Variants in MRGPRX2 observed in about 807,000 individuals in gnomAD.
MRGPRX2 encodes mas-related G protein-coupled receptor member X2.
For synonymous variants in MRGPRX2, 183 were observed against 175.6 expected (o/e 1.04, Z -0.33); for missense variants, 389 against 404.5 (o/e 0.96, Z 0.33).
intron 1 of MRGPRX2, among the ~76,000 whole-genome samples, chr11:19,057,662 A>C (rs1542914): frequency 6.6e-6 from 1 of 152,216 alleles, no homozygotes; most frequent in African/African-American, 2.4e-5. Context: ...CAGGGCTTTG[A>C]GGGGAAAAGG....
In MRGPRX2 at chr11:19,059,010, G is replaced by C. The variant is rs1849644011; in HGVS notation, c.-26+1609C>G. Among the ~76,000 whole-genome samples, 3 of 152,162 alleles carry C rather than the reference G, an allele frequency of 2.0e-5. No individual in the cohort carries two copies. In the South Asian group the frequency reaches 6.2e-4, roughly 31 times the overall value. On this transcript the variant is annotated intron_variant, in intron 1 of 1. Coordinates refer to ENST00000329773, the MANE Select transcript of MRGPRX2 (RefSeq NM_054030.4). ...CATGTCTACATCATTCACTATTTGTGAGGCAGTGTTGAGAAAAATCTCCAG... is the reference window on the plus strand; with the variant it reads ...CATGTCTACATCATTCACTATTTGTCAGGCAGTGTTGAGAAAAATCTCCAG...
chr11:19,056,915 C>T (rs749639493), intron 1 of MRGPRX2, among the ~76,000 whole-genome samples: 50 of 152,268 alleles, frequency 3.3e-4, no homozygotes, highest in Non-Finnish European at 5.1e-4. Flanking sequence ...AGGGTCATAA[C>T]GGAGAGGTGA....
rs572320540 is a variant in MRGPRX2, at chr11:19,056,183, C to A, written c.220G>T (p.Ala74Ser). The A allele has an allele frequency of 8.4e-5, 135 of 1,614,140 alleles. No homozygotes were observed. In the South Asian group the frequency reaches 1.4e-3, roughly 17 times the overall value. The part of the protein sequence containing the change: ...FSVYVLSLAG[A>S]DFLFLCFQII... ...TGGAAGCAGAGGAAGAGGAAGTCGG[C>A]CCCGGCCAGGCTGAGGACGTAGACA... Residue 74 changes from alanine (A) to serine (S), a missense_variant, in exon 2 of 2, where the codon GCC becomes TCC. Ala to Ser is a moderately conservative substitution (Grantham distance 99). Coordinates refer to ENST00000329773, the MANE Select transcript of MRGPRX2 (RefSeq NM_054030.4).
In MRGPRX2 at chr11:19,054,584, C is replaced by T. The variant is rs1209799563; in HGVS notation, c.*826G>A. ...TGACATACAGCCTGTCCTCCAAGAA[C>T]ATGGAGTCTATAAGACCACTGGAAA... On this transcript the variant is annotated 3_prime_UTR_variant, in exon 2 of 2. Transcript: ENST00000329773. 6.6e-6 allele frequency: 1 copy of T among 152,120 alleles called. No individual in the cohort carries two copies. The highest frequency in any genetic ancestry group is 1.9e-4 in the East Asian group (1 of 5,202). 9.4% of individuals were successfully genotyped at this position (152,120 alleles called of 1,614,324 possible).
In MRGPRX2 at chr11:19,055,139, C is replaced by A. The variant is rs770210473; in HGVS notation, c.*271G>T. 3 of 342,950 alleles carry A rather than the reference C, an allele frequency of 8.7e-6. No homozygotes were observed. Among genetic ancestry groups the A allele is most frequent in the Non-Finnish European group, 1.6e-5 (3 of 187,860 alleles). 21.2% of individuals were successfully genotyped at this position (342,950 alleles called of 1,614,324 possible). Reference sequence around the variant, plus strand: ...TTTCTGCCCTGCTTTCAGCCTTCTGCGAAAGGTAGGATTCATTAAAAGTGG... The same window carrying A: ...TTTCTGCCCTGCTTTCAGCCTTCTGAGAAAGGTAGGATTCATTAAAAGTGG... On this transcript the variant is annotated 3_prime_UTR_variant, in exon 2 of 2. Coordinates refer to ENST00000329773, the MANE Select transcript of MRGPRX2 (RefSeq NM_054030.4).
At position 19,056,297 on chromosome 11, in the gene MRGPRX2, G is replaced by C; in HGVS notation, c.106C>G (p.Leu36Val). 6.2e-7 allele frequency: 1 copy of C among 1,614,228 alleles called. No homozygotes were observed. The highest frequency in any genetic ancestry group is 8.5e-7 in the Non-Finnish European group (1 of 1,180,030). Residue 36 changes from leucine to valine, a missense_variant, in exon 2 of 2, where the codon CTG becomes GTG. By Grantham distance (32) the Leu-to-Val change is conservative. Transcript: ENST00000329773. ...CCGACCAGGGCAATGAAAAGGATCA[G>C]GAAGACCGGGATCAGGGTCTCCTTG... ...CGKETLIPVF[L>V]ILFIALVGLV...
Position 19,056,088 on chromosome 11 carries a change from G to T in MRGPRX2, c.315C>A (p.Phe105Leu), listed in dbSNP as rs1849615056. Residue 105 changes from phenylalanine (F) to leucine (L), a missense_variant, in exon 2 of 2, where the codon TTC becomes TTA. By Grantham distance (22) the Phe-to-Leu change is conservative. Coordinates refer to ENST00000329773, the MANE Select transcript of MRGPRX2 (RefSeq NM_054030.4). ...CSISINFPSF[F>L]TTVMTCAYLA... Reference sequence around the variant, plus strand: ...GGTAGGCACAGGTCATCACAGTGGTGAAGAAGCTAGGGAAATTGATGGAGA... The same window carrying T: ...GGTAGGCACAGGTCATCACAGTGGTTAAGAAGCTAGGGAAATTGATGGAGA... The T allele has an allele frequency of 6.2e-7, 1 of 1,614,136 alleles. No homozygotes were observed. The highest frequency in any genetic ancestry group is 1.1e-5 in the South Asian group (1 of 91,092).
rs34874538 is a variant in MRGPRX2, at chr11:19,055,907, TC to T, written c.495del (p.Lys166SerfsTer26). 17 of 1,613,822 alleles carry T rather than the reference TC, an allele frequency of 1.1e-5. No individual in the cohort carries two copies. Among genetic ancestry groups the T allele is most frequent in the Non-Finnish European group, 1.4e-5 (17 of 1,179,976 alleles). Reference sequence around the variant, plus strand: ...TCACTAAATAAGAAGCCACAGAACTTCCCTTCCAAGATGCTCAGCAGTAGGG... The same window carrying T: ...TCACTAAATAAGAAGCCACAGAACTTCCTTCCAAGATGCTCAGCAGTAGGG... Reference protein sequence around the residue: ...ALSLLLSILEGKFCGFLFSDG... With the variant: ...ALSLLLSILEXKFCGFLFSDG... On this transcript the variant is annotated frameshift_variant, in exon 2 of 2. Coordinates refer to ENST00000329773, the MANE Select transcript of MRGPRX2 (RefSeq NM_054030.4). LOFTEE classifies it low-confidence loss of function (END_TRUNC).
intron 1 of MRGPRX2, 133 bp from the exon 2 acceptor site, chr11:19,056,560 T>A: frequency 1.1e-6 from 1 of 895,540 alleles, no homozygotes; most frequent in South Asian, 1.7e-5. Context: ...AGTCATTTAT[T>A]AAGGGCCAGG....
chr11:19,060,409 G>A (rs772943799), intron 1 of MRGPRX2, among the ~76,000 whole-genome samples: 2 of 152,174 alleles, frequency 1.3e-5, no homozygotes, highest in African/African-American at 4.8e-5. Flanking sequence ...TTGAATGGTC[G>A]AAGAGAAGGG....
At chr11:19,056,881 C>T (rs1234166605) in intron 1 of MRGPRX2, among the ~76,000 whole-genome samples, 1 of 152,152 alleles carries the variant, frequency 6.6e-6, no homozygotes, top group African/African-American at 2.4e-5. Context: ...AGTCCATCAA[C>T]AGTCAGAATG....
chr11:19,055,750 A>G lies in MRGPRX2; in HGVS notation c.653T>C (p.Leu218Pro). The G allele has an allele frequency of 6.2e-7, 1 of 1,614,262 alleles. No individual in the cohort carries two copies. Among genetic ancestry groups the G allele is most frequent in the Non-Finnish European group, 8.5e-7 (1 of 1,180,042 alleles). ...CAGGATGGTCAGGTACAGCCTGGTC[A>G]GTGGCAGACCCCTGGAGCCACAGAG... ...RILCGSRGLPLTRLYLTILLT... is the reference protein window; with the variant it reads ...RILCGSRGLPPTRLYLTILLT... Residue 218 changes from leucine (L) to proline (P), a missense_variant, in exon 2 of 2, where the codon CTG becomes CCG. Transcript: ENST00000329773.
chr11:19,058,705 C>T (rs922310641), intron 1 of MRGPRX2, among the ~76,000 whole-genome samples: 4 of 152,082 alleles, frequency 2.6e-5, no homozygotes, highest in East Asian at 1.9e-4. Context: ...GGATTACAGG[C>T]GTGAGCCACC....
rs114017828 is a variant in MRGPRX2 at position 19,055,433 on chromosome 11, T to C, written c.970A>G (p.Met324Val). 2.6e-4 allele frequency: 413 copies of C among 1,608,716 alleles called. 2 individuals are homozygous for C. The African/African-American group carries it at 4.9e-3, about 19-fold the overall frequency. The change falls in exon 2 of 2, where the codon ATG becomes GTG. Residue 324 changes from methionine to valine, a missense_variant. Physicochemically the swap from Met to Val is conservative, Grantham distance 21. Coordinates refer to ENST00000329773, the MANE Select transcript of MRGPRX2 (RefSeq NM_054030.4). The stretch of plus-strand genomic sequence containing the variant: ...CTCTACACCAGACTGCTTCTCGACA[T>C]CTCCGGGGTGCCCTGACGGAAGCAT... ...EGCFRQGTPE[M>V]SRSSLV
intron 1 of MRGPRX2, among the ~76,000 whole-genome samples, chr11:19,059,570 C>G (rs12287661): frequency 2.0e-5 from 3 of 151,732 alleles, no homozygotes; most frequent in African/African-American, 7.3e-5. Flanking sequence ...TAGTGAGAGA[C>G]TAGTCCAAAG....
intron 1 of MRGPRX2, among the ~76,000 whole-genome samples, chr11:19,058,224 G>A (rs1484566028): frequency 6.6e-6 from 1 of 152,136 alleles, no homozygotes. Context: ...TGGGTTGGAG[G>A]CCTCCAAGGG....
rs1290352107 is a variant in MRGPRX2 at position 19,055,554 on chromosome 11, G to A, written c.849C>T (p.Gly283=). 2.5e-6 allele frequency: 4 copies of A among 1,614,188 alleles called. No homozygotes were observed. Among genetic ancestry groups the A allele is most frequent in the Non-Finnish European group, 2.5e-6 (3 of 1,180,030 alleles). The change falls in exon 2 of 2, where the codon GGC becomes GGT. Residue 283 remains glycine, a synonymous_variant. Transcript: ENST00000329773. ...SANPIIYFFV[G]SFRKQWRLQQ... Reference sequence around the variant, plus strand: ...GCAGCCGCCACTGCTTCCTAAAAGAGCCCACGAAGAAGTAAATGATGGGGT... The same window carrying A: ...GCAGCCGCCACTGCTTCCTAAAAGAACCCACGAAGAAGTAAATGATGGGGT...
In MRGPRX2 at chr11:19,056,065, T is replaced by C; in HGVS notation, c.338A>G (p.Tyr113Cys). ...SFFTTVMTCA[Y>C]LAGLSMLSTV... The stretch of plus-strand genomic sequence containing the variant: ...GCTCAGCATGCTCAGGCCTGCAAGG[T>C]AGGCACAGGTCATCACAGTGGTGAA... Residue 113 changes from tyrosine to cysteine, a missense_variant, in exon 2 of 2, where the codon TAC becomes TGC. Transcript: ENST00000329773. The C allele has an allele frequency of 6.2e-7, 1 of 1,614,008 alleles. No individual in the cohort carries two copies. The highest frequency in any genetic ancestry group is 8.5e-7 in the Non-Finnish European group (1 of 1,179,998).
Position 19,055,539 on chromosome 11 carries a change from C to T in MRGPRX2, c.864G>A (p.Gln288=), listed in dbSNP as rs1296624495. The change falls in exon 2 of 2, where the codon CAG becomes CAA. Residue 288 remains glutamine (Q), a synonymous_variant. Transcript: ENST00000329773. ...TGAGGATCGGCTGCTGCAGCCGCCA[C>T]TGCTTCCTAAAAGAGCCCACGAAGA... ...IYFFVGSFRK[Q]WRLQQPILKL... 32 of 1,614,228 alleles carry T rather than the reference C, an allele frequency of 2.0e-5. No individual in the cohort carries two copies. Among genetic ancestry groups the T allele is most frequent in the Non-Finnish European group, 2.2e-5 (26 of 1,180,036 alleles).
Sources: gnomAD v4.1 joint callset for allele counts (sites outside exome capture counted in the v4.1 genomes callset) on GRCh38, gnomAD v4.1.1 for gene constraint, MANE v1.5 for transcripts, NCBI Gene and HGNC (gene_info 2026-07-23, HGNC 2026-07-21) for gene names.